The following ROBO2 variants were observed in gnomAD, a reference collection of about 807,000 sequenced individuals.
The protein encoded by ROBO2 is roundabout guidance receptor 2.
In ROBO2, 53 loss-of-function variants were observed where a neutral mutation model predicts 160.8. The ratio of observed to expected loss-of-function variants is 0.33; its 90% CI spans 0.26 to 0.41. The LOEUF (loss-of-function observed/expected upper bound fraction) is 0.41. ROBO2 is among the 10% of genes least tolerant of loss of function. ROBO2 has a pLI of 1.00. For synonymous variants in ROBO2, 664 were observed against 611.7 expected (o/e 1.09, Z -1.26); for missense variants, 1,577 against 1,722.4 (o/e 0.92, Z 1.49).
intron 2 of ROBO2, among the ~76,000 whole-genome samples, chr3:76,978,351 AG>A (rs1445245269): frequency 3.9e-5 from 6 of 152,294 alleles, no homozygotes; most frequent in African/African-American, 1.4e-4. Flanking sequence ...TTTAAAATAA[AG>A]CACTTTTTTC....
At chr3:77,003,195 A>G (rs928500301) in intron 2 of ROBO2, among the ~76,000 whole-genome samples, 2 of 152,200 alleles carry the variant, frequency 1.3e-5, no homozygotes, top group African/African-American at 4.8e-5. Flanking sequence ...TTCATGAAAT[A>G]AGAATCAGCA....
At chr3:76,696,152 G>T (rs1259853169) in intron 2 of ROBO2, among the ~76,000 whole-genome samples, 1 of 152,118 alleles carries the variant, frequency 6.6e-6, no homozygotes, top group Non-Finnish European at 1.5e-5. Context: ...ACTTGAGGCG[G>T]GAAAGTCGTA....
At chr3:77,358,509 T>C (rs750597570) in intron 2 of ROBO2, among the ~76,000 whole-genome samples, 8 of 152,218 alleles carry the variant, frequency 5.3e-5, no homozygotes, top group Non-Finnish European at 1.0e-4. Flanking sequence ...ATTCAACCCA[T>C]AACAACAGGA....
intron 24 of ROBO2, among the ~76,000 whole-genome samples, chr3:77,638,158 G>A (rs2095294559): frequency 6.6e-6 from 1 of 152,174 alleles, no homozygotes; most frequent in Non-Finnish European, 1.5e-5. Flanking sequence ...AAATGCATAT[G>A]CCATAGCATT....
chr3:77,025,957 T>C (rs2062937941), intron 2 of ROBO2, among the ~76,000 whole-genome samples: 1 of 152,214 alleles, frequency 6.6e-6, no homozygotes, highest in African/African-American at 2.4e-5. Flanking sequence ...TATGTATTTA[T>C]TTTAGAAATT....
intron 23 of ROBO2, chr3:77,632,564 C>T: frequency 6.5e-7 from 1 of 1,535,786 alleles, no homozygotes; most frequent in Non-Finnish European, 8.7e-7. Context: ...TCAGATGGCT[C>T]TATCTTTGCC....
chr3:76,881,308 T>C (rs1355588723), intron 2 of ROBO2, among the ~76,000 whole-genome samples: 2 of 152,154 alleles, frequency 1.3e-5, no homozygotes, highest in South Asian at 2.1e-4. Flanking sequence ...AGAAGGTAAA[T>C]GTATTTCTAT....
At chr3:76,903,592 C>G (rs1360175521) in intron 2 of ROBO2, among the ~76,000 whole-genome samples, 2 of 152,094 alleles carry the variant, frequency 1.3e-5, no homozygotes, top group South Asian at 2.1e-4. Flanking sequence ...AATAAGGAGG[C>G]TTTTCTCTCC....
intron 2 of ROBO2, among the ~76,000 whole-genome samples, chr3:75,996,612 G>A (rs1267201366): frequency 6.6e-6 from 1 of 152,110 alleles, no homozygotes; most frequent in Admixed American, 6.5e-5. Flanking sequence ...AGATGCATAA[G>A]ATTCAAAAGT....
At chr3:76,259,335 T>G (rs1706595895) in intron 2 of ROBO2, among the ~76,000 whole-genome samples, 2 of 152,272 alleles carry the variant, frequency 1.3e-5, no homozygotes, top group Admixed American at 1.3e-4. Flanking sequence ...CTTAGTTCCT[T>G]ATTTATGAAG....
At chr3:76,497,796 G>C (rs1016016317) in intron 2 of ROBO2, among the ~76,000 whole-genome samples, 1 of 152,296 alleles carries the variant, frequency 6.6e-6, no homozygotes, top group East Asian at 1.9e-4. Context: ...CCCACGGTCT[G>C]TCTTGACTCA....
At chr3:76,760,190 A>G (rs1254364135) in intron 2 of ROBO2, among the ~76,000 whole-genome samples, 5 of 151,850 alleles carry the variant, frequency 3.3e-5, no homozygotes, top group Non-Finnish European at 7.4e-5. Context: ...TTCTAACAAT[A>G]AAACATTATT....
At chr3:77,193,418 A>C (rs1486524353) in intron 2 of ROBO2, among the ~76,000 whole-genome samples, 1 of 151,740 alleles carries the variant, frequency 6.6e-6, no homozygotes, top group Non-Finnish European at 1.5e-5. Context: ...GTAGCTGGGA[A>C]TACAATAGTA....
intron 2 of ROBO2, among the ~76,000 whole-genome samples, chr3:76,708,052 A>G (rs983310888): frequency 6.6e-6 from 1 of 152,136 alleles, no homozygotes; most frequent in Non-Finnish European, 1.5e-5. Flanking sequence ...TAAGCCTACA[A>G]GTTTTCATTC....
intron 2 of ROBO2, among the ~76,000 whole-genome samples, chr3:77,141,161 C>G (rs1311785251): frequency 1.3e-5 from 2 of 152,066 alleles, no homozygotes. Context: ...AATATTTATC[C>G]CAGATTCTTG....
chr3:77,586,109 A>G (rs1015648190), intron 16 of ROBO2, among the ~76,000 whole-genome samples: 5 of 152,144 alleles, frequency 3.3e-5, no homozygotes, highest in Non-Finnish European at 7.4e-5. Flanking sequence ...ACACTGGCGT[A>G]ACATTGGTGT....
At chr3:75,986,332 TATTA>T (rs2065414266) in intron 2 of ROBO2, among the ~76,000 whole-genome samples, 2 of 151,760 alleles carry the variant, frequency 1.3e-5, no homozygotes, top group South Asian at 4.1e-4. Context: ...TGACCATTTC[TATTA>T]ATTCTTTGGA....
intron 2 of ROBO2, among the ~76,000 whole-genome samples, chr3:76,634,052 A>G (rs1274468181): frequency 6.6e-6 from 1 of 152,248 alleles, no homozygotes; most frequent in East Asian, 1.9e-4. Flanking sequence ...TAACATCACA[A>G]TTATGCTAAT....
chr3:77,521,467 G>A (rs576224287), intron 5 of ROBO2, among the ~76,000 whole-genome samples: 3 of 151,136 alleles, frequency 2.0e-5, no homozygotes, highest in Non-Finnish European at 4.4e-5. Flanking sequence ...GCAGTAATTC[G>A]ATTTTTATAG....
Sources: gnomAD v4.1 joint callset for allele counts (sites outside exome capture counted in the v4.1 genomes callset) on GRCh38, gnomAD v4.1.1 for gene constraint, MANE v1.5 for transcripts, NCBI Gene and HGNC (gene_info 2026-07-23, HGNC 2026-07-21) for gene names.